Variants in ECT2L observed in about 807,000 individuals in gnomAD.
ECT2L encodes epithelial cell-transforming sequence 2 oncogene-like.
ECT2L carries 126 observed loss-of-function variants against 122.8 expected under a neutral mutation model. The ratio of observed to expected loss-of-function variants is 1.03; its 90% CI spans 0.89 to 1.19. The LOEUF is 1.19. ECT2L is among the 50% of genes most tolerant of loss of function. The pLI, the probability that ECT2L is intolerant of heterozygous loss-of-function variation, is 0.00. For synonymous variants in ECT2L, 385 were observed against 381.8 expected, an observed-to-expected ratio of 1.01 and a Z score of -0.10; for missense variants, 1,012 against 1,064.1, an observed-to-expected ratio of 0.95 and a Z score of 0.68.
intron 10 of ECT2L, among the ~76,000 whole-genome samples, chr6:138,858,697 C>CTTTTTTTT (rs35946003): frequency 1.7e-5 from 1 of 59,324 alleles, no homozygotes; most frequent in Non-Finnish European, 2.9e-5. Flanking sequence ...TAGAATTTTC[C>CTTTTTTTT]TTTTTTTTTT....
At chr6:138,811,856 T>C (rs1205781034) in intron 1 of ECT2L, among the ~76,000 whole-genome samples, 1 of 151,860 alleles carries the variant, frequency 6.6e-6, no homozygotes, top group African/African-American at 2.4e-5. Context: ...GCCCGGCCAA[T>C]TTTTGTATTT....
chr6:138,862,590 T>C (rs773541001), intron 10 of ECT2L, 37 bp from the exon 11 acceptor site: 9 of 1,576,830 alleles, frequency 5.7e-6, no homozygotes, highest in Non-Finnish European at 7.9e-6. Context: ...TGGCAAAATA[T>C]ATGAGGAAAC....
intron 11 of ECT2L, among the ~76,000 whole-genome samples, chr6:138,863,804 C>T (rs1379672431): frequency 1.3e-5 from 2 of 150,950 alleles, no homozygotes; most frequent in Non-Finnish European, 3.0e-5. Flanking sequence ...TTAGTAGAGA[C>T]GGGGTTTCAC....
chr6:138,890,640 G>T (rs1054306728), intron 20 of ECT2L, among the ~76,000 whole-genome samples: 1 of 151,140 alleles, frequency 6.6e-6, no homozygotes, highest in African/African-American at 2.4e-5. Context: ...TTGATTATTA[G>T]ATTATTCTAC....
rs1779486508 is a variant in ECT2L at position 138,903,726 on chromosome 6, T to G, written c.*1099T>G. ...GTTGAGTAGTTTCCTGGGCCTTTAA[T>G]GCTTTAAATTTATTATTTAACAACT... is the stretch of plus-strand genomic sequence containing the variant. On this transcript the variant is annotated 3_prime_UTR_variant, in exon 22 of 22. Transcript: ENST00000541398. 1 of 152,222 alleles carries G rather than the reference T, an allele frequency of 6.6e-6. No homozygotes were observed. Among genetic ancestry groups the G allele is most frequent in the African/African-American group, 2.4e-5 (1 of 41,470 alleles). The allele number at this position is 152,222 out of a possible 1,614,324, so 9.4% of individuals were successfully genotyped here.
chr6:138,813,950 GT>G (rs1436917338), intron 3 of ECT2L, among the ~76,000 whole-genome samples: 1 of 152,056 alleles, frequency 6.6e-6, no homozygotes, highest in Non-Finnish European at 1.5e-5. Flanking sequence ...CGAAACGCAG[GT>G]TTGGGGGACT....
intron 1 of ECT2L, among the ~76,000 whole-genome samples, chr6:138,809,732 G>T (rs547343204): frequency 6.6e-6 from 1 of 152,050 alleles, no homozygotes; most frequent in Non-Finnish European, 1.5e-5. Flanking sequence ...TTATATAAAG[G>T]TTATACCAAC....
rs754317879 is a variant in ECT2L, at chr6:138,843,221, A to G, written c.585A>G (p.Ala195=). 1 of 1,607,500 alleles carries G rather than the reference A, an allele frequency of 6.2e-7. No homozygotes were observed. Among genetic ancestry groups the G allele is most frequent in the African/African-American group, 1.3e-5 (1 of 74,748 alleles). ...CLRKRIWEKI[A]LRKKELFKVR... ...GGAAAAGAATTTGGGAGAAAATTGC[A>G]CTACGTAAGAGTAAGTAGCATTTTA... Residue 195 remains alanine (A), a synonymous_variant, in exon 6 of 22, where the codon GCA becomes GCG. Coordinates refer to ENST00000541398, the MANE Select transcript of ECT2L (RefSeq NM_001077706.3).
chr6:138,864,257 G>A (rs1262223929), intron 11 of ECT2L, among the ~76,000 whole-genome samples: 1 of 152,098 alleles, frequency 6.6e-6, no homozygotes, highest in Non-Finnish European at 1.5e-5. Flanking sequence ...GGGAGGCGAA[G>A]GTTGCAGTGA....
intron 20 of ECT2L, among the ~76,000 whole-genome samples, chr6:138,896,491 C>T (rs915312731): frequency 2.0e-5 from 3 of 152,148 alleles, no homozygotes; most frequent in African/African-American, 7.2e-5. Flanking sequence ...TGTACCCAGG[C>T]TTCTCAAGGA....
intron 4 of ECT2L, among the ~76,000 whole-genome samples, chr6:138,831,993 G>T (rs1247747797): frequency 6.6e-6 from 1 of 151,942 alleles, no homozygotes; most frequent in Non-Finnish European, 1.5e-5. Context: ...CTCTCCTATG[G>T]ATAATAGTGC....
At chr6:138,843,275 G>T (rs776103668) in intron 6 of ECT2L, 44 bp downstream of exon 6, 86 of 1,489,358 alleles carry the variant, frequency 5.8e-5, no homozygotes, top group Non-Finnish European at 7.5e-5. Context: ...AAATATTGTA[G>T]ACACAAATGG....
Position 138,888,990 on chromosome 6 carries a change from C to T in ECT2L, c.2373C>T (p.Ala791=). The change falls in exon 20 of 22, where the codon GCC becomes GCT. Residue 791 remains alanine, a synonymous_variant. Coordinates refer to ENST00000541398, the MANE Select transcript of ECT2L (RefSeq NM_001077706.3). ...NRYLIRVQDV[A]QLHCCDEEIS... ...ATCTGATTAGGGTACAAGATGTAGC[C>T]CAACTTCATTGCTGTGATGAAGAAA... 1 of 1,550,240 alleles carries T rather than the reference C, an allele frequency of 6.5e-7. No individual in the cohort carries two copies. Among genetic ancestry groups the T allele is most frequent in the African/African-American group, 1.4e-5 (1 of 73,290 alleles).
At chr6:138,894,597 C>T (rs1325470194) in intron 20 of ECT2L, among the ~76,000 whole-genome samples, 1 of 152,166 alleles carries the variant, frequency 6.6e-6, no homozygotes, top group Non-Finnish European at 1.5e-5. Flanking sequence ...TTCAGTCACA[C>T]CTCCCCATCC....
chr6:138,825,864 C>T (rs1157552201), intron 4 of ECT2L, among the ~76,000 whole-genome samples: 1 of 152,178 alleles, frequency 6.6e-6, no homozygotes, highest in Non-Finnish European at 1.5e-5. Flanking sequence ...AGTCATTAGT[C>T]TGTGTGACAC....
chr6:138,813,397 G>C, intron 3 of ECT2L, 57 bp downstream of exon 3: 1 of 1,332,932 alleles, frequency 7.5e-7, no homozygotes, highest in Non-Finnish European at 1.1e-6. Flanking sequence ...ATTTTCCTGT[G>C]ATATATTGGG....
At chr6:138,858,460 ATAAT>A (rs1401760748) in intron 10 of ECT2L, among the ~76,000 whole-genome samples, 7 of 152,194 alleles carry the variant, frequency 4.6e-5, no homozygotes, top group Admixed American at 3.9e-4. Flanking sequence ...TTATTGAAAT[ATAAT>A]TAATATACAA....
chr6:138,821,537 C>G (rs1776268875), intron 4 of ECT2L, among the ~76,000 whole-genome samples: 1 of 152,194 alleles, frequency 6.6e-6, no homozygotes, highest in South Asian at 2.1e-4. Context: ...AGGGGATTGG[C>G]CTGTACCTTG....
Position 138,902,625 on chromosome 6 carries a change from TGA to T in ECT2L, c.*1_*2del. ...RNAIKSSMEK[*>X] The stretch of plus-strand genomic sequence containing the variant: ...TGCAATCAAAAGCAGTATGGAGAAG[TGA>T]GACCGAACTTGAAAACTTCAGGGGT... On this transcript the variant is annotated frameshift_variant and stop_lost, in exon 22 of 22. Transcript: ENST00000541398. LOFTEE classifies it high-confidence loss of function. The T allele has an allele frequency of 6.2e-7, 1 of 1,613,534 alleles. No homozygotes were observed. The highest frequency in any genetic ancestry group is 8.5e-7 in the Non-Finnish European group (1 of 1,179,762).
Sources: gnomAD v4.1 joint callset for allele counts (sites outside exome capture counted in the v4.1 genomes callset) on GRCh38, gnomAD v4.1.1 for gene constraint, MANE v1.5 for transcripts, NCBI Gene and HGNC (gene_info 2026-07-23, HGNC 2026-07-21) for gene names.